Variants in PRELID2 observed in about 807,000 individuals in gnomAD.
The protein encoded by PRELID2 is PRELI domain-containing protein 2.
A neutral mutation model predicts 28.4 loss-of-function variants in PRELID2; 25 were observed. The ratio of observed to expected loss-of-function variants is 0.88; its 90% CI spans 0.64 to 1.23. The LOEUF is 1.23. Ranked by LOEUF, PRELID2 falls within the 50% of genes most tolerant of loss-of-function variation. The pLI, the probability that PRELID2 is intolerant of heterozygous loss-of-function variation, is 0.00. For missense variants in PRELID2, 201 were observed against 214.4 expected (o/e 0.94, Z 0.39); for synonymous variants, 76 against 71.6 (o/e 1.06, Z -0.31).
At chr5:145,685,314 A>G (rs1004235649) in intron 1 of PRELID2, among the ~76,000 whole-genome samples, 4 of 152,170 alleles carry the variant, frequency 2.6e-5, no homozygotes, top group South Asian at 2.1e-4. Context: ...ACTCTTCCAT[A>G]AGGCATACTG....
At chr5:145,749,880 C>T (rs750717093) in intron 1 of PRELID2, among the ~76,000 whole-genome samples, 2 of 151,902 alleles carry the variant, frequency 1.3e-5, no homozygotes, top group East Asian at 1.9e-4. Flanking sequence ...AACTAAACAC[C>T]GTATGTTCTC....
At chr5:145,692,051 G>C (rs143275848) in intron 1 of PRELID2, among the ~76,000 whole-genome samples, 2 of 152,194 alleles carry the variant, frequency 1.3e-5, no homozygotes, top group African/African-American at 4.8e-5. Context: ...CTCCCTCCCT[G>C]ATTGCAGCTG....
the PRELID2 span, among the ~76,000 whole-genome samples, chr5:145,317,323 G>A: frequency 6.6e-6 from 1 of 152,320 alleles, no homozygotes; most frequent in Non-Finnish European, 1.5e-5. Flanking sequence ...GGGTGCTCCT[G>A]AGCAGTGCAT....
rs998158 is a variant in PRELID2, at chr5:145,756,607, T to G, written c.*3929A>C. Among the ~76,000 whole-genome samples the G allele has an allele frequency of 0.033, 5,044 of 152,266 alleles. 209 individuals are homozygous for G. The highest frequency in any genetic ancestry group is 0.095 in the East Asian group (491 of 5,172). On this transcript the variant is annotated 3_prime_UTR_variant, in exon 7 of 7. Coordinates refer to ENST00000683046, the MANE Select transcript of PRELID2 (RefSeq NM_205846.3). ...CTAGCAATATCTCACTTGCCGCGAG[T>G]TCACAAATATGACAACTGCAGATGA...
chr5:145,648,413 AAAT>A (rs145358975), intron 1 of PRELID2, among the ~76,000 whole-genome samples: 12,899 of 151,792 alleles, frequency 0.085, 766 homozygotes, highest in Admixed American at 0.19. Flanking sequence ...TAAATAATAA[AAAT>A]AATAAATAAT....
At chr5:145,739,715 C>T (rs116370158) in intron 1 of PRELID2, among the ~76,000 whole-genome samples, 2 of 151,468 alleles carry the variant, frequency 1.3e-5, no homozygotes, top group Admixed American at 6.6e-5. Context: ...GGTAGTAATG[C>T]AAAGGGAGGT....
chr5:145,640,471 G>A (rs865997108), intron 1 of PRELID2, among the ~76,000 whole-genome samples: 36 of 111,762 alleles, frequency 3.2e-4, no homozygotes, highest in South Asian at 2.0e-3. Context: ...GCGAGACTCC[G>A]TCTCAAAAAA....
chr5:145,717,742 T>C (rs762956237), intron 1 of PRELID2, among the ~76,000 whole-genome samples: 3 of 151,556 alleles, frequency 2.0e-5, no homozygotes, highest in Non-Finnish European at 3.0e-5. Context: ...TAAAATATTA[T>C]AAATTAAAAT....
At chr5:145,554,221 G>C (rs1752861924) in intron 1 of PRELID2, among the ~76,000 whole-genome samples, 1 of 152,144 alleles carries the variant, frequency 6.6e-6, no homozygotes, top group Admixed American at 6.5e-5. Flanking sequence ...AACGAGGCTA[G>C]AACCCCAAAA....
At chr5:145,363,010 G>A in the PRELID2 span, among the ~76,000 whole-genome samples, 1 of 147,392 alleles carries the variant, frequency 6.8e-6, no homozygotes, top group South Asian at 2.2e-4. Context: ...GTCAAAAGAT[G>A]TAAATCTGAT....
the PRELID2 span, among the ~76,000 whole-genome samples, chr5:145,446,943 G>A: frequency 6.6e-6 from 1 of 151,910 alleles, no homozygotes; most frequent in African/African-American, 2.4e-5. Flanking sequence ...CAGCTACTTG[G>A]GAGGCTGAGA....
chr5:145,633,620 C>A (rs1477741414), intron 1 of PRELID2, among the ~76,000 whole-genome samples: 1 of 152,204 alleles, frequency 6.6e-6, no homozygotes, highest in Non-Finnish European at 1.5e-5. Context: ...AGCTTTGCAT[C>A]AGCATACTCC....
intron 1 of PRELID2, among the ~76,000 whole-genome samples, chr5:145,711,373 A>T (rs1472075254): frequency 1.3e-5 from 2 of 152,192 alleles, no homozygotes; most frequent in African/African-American, 2.4e-5. Flanking sequence ...CTGCTAGGAG[A>T]GAACATACCC....
chr5:145,283,417 G>A, the PRELID2 span, among the ~76,000 whole-genome samples: 105 of 152,306 alleles, frequency 6.9e-4, no homozygotes, highest in Non-Finnish European at 1.4e-3. Flanking sequence ...GCTGCAGTTA[G>A]CTTAATGAAA....
intron 4 of PRELID2, among the ~76,000 whole-genome samples, chr5:145,808,693 G>A (rs971099319): frequency 3.3e-5 from 5 of 151,824 alleles, no homozygotes; most frequent in Non-Finnish European, 5.9e-5. Context: ...AAGACCGGCT[G>A]GACAACACAG....
At chr5:145,613,076 C>G (rs1344532952) in intron 1 of PRELID2, among the ~76,000 whole-genome samples, 1 of 152,104 alleles carries the variant, frequency 6.6e-6, no homozygotes, top group African/African-American at 2.4e-5. Flanking sequence ...AACAGCTGTA[C>G]TAGTTGCATT....
intron 1 of PRELID2, among the ~76,000 whole-genome samples, chr5:145,605,350 T>C (rs1489286124): frequency 6.6e-6 from 1 of 152,180 alleles, no homozygotes. Context: ...AATTTTTGTA[T>C]ACGGTGTAAG....
chr5:145,335,220 T>A, the PRELID2 span, among the ~76,000 whole-genome samples: 1 of 151,988 alleles, frequency 6.6e-6, no homozygotes, highest in Non-Finnish European at 1.5e-5. Flanking sequence ...AGTTAACAGA[T>A]TCTTTCTTTC....
At chr5:145,425,117 T>C in the PRELID2 span, among the ~76,000 whole-genome samples, 1 of 151,772 alleles carries the variant, frequency 6.6e-6, no homozygotes, top group Admixed American at 6.6e-5. Flanking sequence ...CAGACACTTC[T>C]CAAAAGAAGA....
Sources: allele counts gnomAD v4.1 joint callset (sites outside exome capture counted in the v4.1 genomes callset), GRCh38; gene constraint gnomAD v4.1.1; transcripts MANE v1.5; gene names NCBI Gene and HGNC (gene_info 2026-07-23, HGNC 2026-07-21).